RBFOX3: variants seen among roughly 807,000 people sequenced by gnomAD.
RBFOX3 encodes RNA binding protein fox-1 homolog 3.
A neutral mutation model predicts 48.7 loss-of-function variants in RBFOX3; 17 were observed. The observed-to-expected ratio is 0.35, with a 90% CI of 0.24 to 0.52. The LOEUF is 0.52. Ranked by LOEUF, RBFOX3 falls within the 20% of genes least tolerant of loss-of-function variation. The pLI, the probability that RBFOX3 is intolerant of heterozygous loss-of-function variation, is 0.94. For synonymous variants in RBFOX3, 212 were observed against 209.5 expected (o/e 1.01, Z -0.10); for missense variants, 382 against 497.5 (o/e 0.77, Z 2.21).
rs146967788 is a variant in RBFOX3, at chr17:79,170,293, G to A, written c.-33-54545C>T. On this transcript the variant is annotated intron_variant, in intron 4 of 14. Transcript: ENST00000693108. ...GCTTCCAGGAGGGCCAAGTGTTCAT[G>A]GCTGGCTGGGGTACCGGCTCCGGTC... Among the ~76,000 whole-genome samples, 367 of 152,286 alleles carry A rather than the reference G, an allele frequency of 2.4e-3. 1 individual carries two copies. The highest frequency in any genetic ancestry group is 3.1e-3 in the Non-Finnish European group (213 of 68,026).
At chr17:79,408,907 C>G (rs984297788) in intron 2 of RBFOX3, among the ~76,000 whole-genome samples, 1 of 152,140 alleles carries the variant, frequency 6.6e-6, no homozygotes, top group Non-Finnish European at 1.5e-5. Context: ...ATCTGTGATG[C>G]AACCACTGTC....
At chr17:79,545,233 G>A (rs1324434948) in intron 1 of RBFOX3, among the ~76,000 whole-genome samples, 1 of 152,214 alleles carries the variant, frequency 6.6e-6, no homozygotes, top group Non-Finnish European at 1.5e-5. Context: ...CCCGCTCTGG[G>A]AAGGGCGTCG....
chr17:79,521,213 C>T (rs1240732484), intron 1 of RBFOX3, among the ~76,000 whole-genome samples: 3 of 150,294 alleles, frequency 2.0e-5, no homozygotes, highest in East Asian at 3.9e-4. Context: ...CACACTCACG[C>T]TCAGACACAC....
At chr17:79,552,421 T>C (rs2091243754) in intron 1 of RBFOX3, among the ~76,000 whole-genome samples, 2 of 152,182 alleles carry the variant, frequency 1.3e-5, no homozygotes, top group South Asian at 4.1e-4. Flanking sequence ...AACCTCACCC[T>C]GACTCCTCTC....
At chr17:79,601,038 A>C (rs1427611913) in intron 1 of RBFOX3, 1 of 152,278 alleles carries the variant, frequency 6.6e-6, no homozygotes, top group Non-Finnish European at 1.5e-5. Flanking sequence ...CGACATGGCC[A>C]TGCTCCCGCT....
At chr17:79,580,569 G>A (rs977688518) in intron 1 of RBFOX3, among the ~76,000 whole-genome samples, 19 of 152,126 alleles carry the variant, frequency 1.2e-4, no homozygotes, top group Non-Finnish European at 2.4e-4. Context: ...GAGGCACCTC[G>A]ATCAGCCAGG....
At chr17:79,256,786 C>T (rs1175224723) in intron 3 of RBFOX3, among the ~76,000 whole-genome samples, 4 of 151,868 alleles carry the variant, frequency 2.6e-5, no homozygotes, top group Non-Finnish European at 4.4e-5. Flanking sequence ...GGCATGGTGG[C>T]GCACGCACCT....
chr17:79,562,646 G>GGCTGTT (rs1470470901), intron 1 of RBFOX3, among the ~76,000 whole-genome samples: 2 of 152,122 alleles, frequency 1.3e-5, no homozygotes, highest in Non-Finnish European at 2.9e-5. Context: ...GTACCACCCG[G>GGCTGTT]GCTGTTGCTG....
chr17:79,253,031 G>T (rs1600234314), intron 3 of RBFOX3, among the ~76,000 whole-genome samples: 1 of 152,298 alleles, frequency 6.6e-6, no homozygotes, highest in South Asian at 2.1e-4. Flanking sequence ...TGACCCTGCG[G>T]GGTGGTGCTG....
At chr17:79,345,427 A>G (rs78791342) in intron 2 of RBFOX3, among the ~76,000 whole-genome samples, 10 of 152,202 alleles carry the variant, frequency 6.6e-5, no homozygotes, top group Admixed American at 6.5e-4. Context: ...GAACCAATTT[A>G]TGCTGTCCTT....
intron 4 of RBFOX3, among the ~76,000 whole-genome samples, chr17:79,138,517 C>G (rs948991835): frequency 6.6e-6 from 1 of 152,100 alleles, no homozygotes; most frequent in Non-Finnish European, 1.5e-5. Flanking sequence ...CACACTGCAT[C>G]CACACGCATA....
chr17:79,387,212 G>A lies in RBFOX3; in HGVS notation c.-174-79388C>T, dbSNP rs139046131. Among the ~76,000 whole-genome samples, 147 of 152,298 alleles carry A rather than the reference G, an allele frequency of 9.7e-4. 1 individual carries two copies. The highest frequency in any genetic ancestry group is 3.3e-3 in the African/African-American group (138 of 41,544). On this transcript the variant is annotated intron_variant, in intron 2 of 14. Coordinates refer to ENST00000693108, the MANE Select transcript of RBFOX3 (RefSeq NM_001350451.2). ...TGCTTACACACAGCATTTCCACTGC[G>A]TGACTTCAGTAATTTGTTTCTACAG...
chr17:79,579,337 C>T (rs2092968755), intron 1 of RBFOX3, among the ~76,000 whole-genome samples: 1 of 152,202 alleles, frequency 6.6e-6, no homozygotes, highest in Non-Finnish European at 1.5e-5. Flanking sequence ...CCAGAAAAGC[C>T]CACATGGGAG....
intron 2 of RBFOX3, among the ~76,000 whole-genome samples, chr17:79,439,747 T>C (rs1052174932): frequency 3.3e-5 from 5 of 152,224 alleles, no homozygotes. Context: ...CATATGCACA[T>C]GTGTGCGTAA....
chr17:79,624,681 G>A, the RBFOX3 span, among the ~76,000 whole-genome samples: 1 of 152,186 alleles, frequency 6.6e-6, no homozygotes, highest in Non-Finnish European at 1.5e-5. Context: ...GGATGGCCAA[G>A]GTGCTTCGGC....
At chr17:79,664,640 G>A in the RBFOX3 span, among the ~76,000 whole-genome samples, 11 of 152,160 alleles carry the variant, frequency 7.2e-5, no homozygotes, top group African/African-American at 1.4e-4. Flanking sequence ...GAGCCACCGC[G>A]CCCGGCCTAC....
In RBFOX3 at chr17:79,191,944, G is replaced by A. The variant is rs957133055; in HGVS notation, c.-34+43822C>T. On this transcript the variant is annotated intron_variant, in intron 4 of 14. Coordinates refer to ENST00000693108, the MANE Select transcript of RBFOX3 (RefSeq NM_001350451.2). ...GAATTGCTGCCCGGTGAGCAGAGAT[G>A]GGGCAGTGGATGCTGATGTGTTTTA... is the stretch of plus-strand genomic sequence containing the variant. Among the ~76,000 whole-genome samples, 5 of 152,250 alleles carry A rather than the reference G, an allele frequency of 3.3e-5. No individual in the cohort carries two copies. In the South Asian group the frequency reaches 1.0e-3, roughly 32 times the overall value.
chr17:79,268,269 C>T (rs986484673), intron 3 of RBFOX3, among the ~76,000 whole-genome samples: 2 of 152,124 alleles, frequency 1.3e-5, no homozygotes, highest in African/African-American at 2.4e-5. Context: ...CCTCTGTAAC[C>T]GTCCCAGTGT....
chr17:79,468,959 GAT>G (rs2076698806), intron 2 of RBFOX3, among the ~76,000 whole-genome samples: 1 of 148,978 alleles, frequency 6.7e-6, no homozygotes. Context: ...TGGATGGATG[GAT>G]GGATGGATGG....
Sources: allele counts gnomAD v4.1 joint callset (sites outside exome capture counted in the v4.1 genomes callset), GRCh38; gene constraint gnomAD v4.1.1; transcripts MANE v1.5; gene names NCBI Gene and HGNC (gene_info 2026-07-23, HGNC 2026-07-21).